The following PTAFR variants were observed in gnomAD, a reference collection of about 807,000 sequenced individuals.
PTAFR encodes the protein platelet activating factor receptor.
Under a neutral mutation model 14.7 loss-of-function variants are expected in PTAFR, and 8 were observed. That is an observed-to-expected ratio of 0.54 (90% confidence interval 0.32 to 0.98). PTAFR has a LOEUF of 0.98. Ranked by LOEUF, PTAFR falls within the 50% of genes least tolerant of loss-of-function variation. The probability of loss-of-function intolerance (pLI) is 0.04; values close to 1 mark genes in which losing one functional copy is unlikely to be tolerated. For missense variants in PTAFR, 337 were observed against 451.2 expected, an observed-to-expected ratio of 0.75 and a Z score of 2.29; for synonymous variants, 156 against 176.5, an observed-to-expected ratio of 0.88 and a Z score of 0.92.
rs765639817 is a variant in PTAFR at position 28,150,106 on chromosome 1, C to T, written c.916G>A (p.Glu306Lys). The change falls in exon 2 of 2, where the codon GAA (glutamate) becomes AAA (lysine). Residue 306 changes from glutamate to lysine, a missense_variant. By Grantham distance (56) the Glu-to-Lys change is moderately conservative. Transcript: ENST00000373857. The surrounding 1 kb of genome is among the most constrained non-coding windows in gnomAD (Gnocchi z 6.3). ...CTACTGCGCATGCTGTAGAACTTTT[C>T]GGTGAGGTGCTTGCGGAACTTCTTG... ...LTKKFRKHLT[E>K]KFYSMRSSRK... 7 of 1,614,162 alleles carry T rather than the reference C, an allele frequency of 4.3e-6. No individual in the cohort carries two copies. The highest frequency in any genetic ancestry group is 2.7e-5 in the African/African-American group (2 of 75,036).
intron 1 of PTAFR, among the ~76,000 whole-genome samples, chr1:28,168,939 AT>A (rs1385898118): frequency 6.6e-6 from 1 of 152,138 alleles, no homozygotes; most frequent in East Asian, 1.9e-4. Flanking sequence ...AAGTGCTGGG[AT>A]TACCAGCATG....
intron 1 of PTAFR, among the ~76,000 whole-genome samples, chr1:28,190,246 A>G (rs1646641903): frequency 6.6e-6 from 1 of 152,166 alleles, no homozygotes; most frequent in Non-Finnish European, 1.5e-5. Context: ...CTGGGATTAC[A>G]GGCGTGAGCC....
At chr1:28,184,094 T>G (rs796793653) in intron 1 of PTAFR, among the ~76,000 whole-genome samples, 1,371 of 87,704 alleles carry the variant, frequency 0.016, 1 homozygote, top group Non-Finnish European at 0.021. Flanking sequence ...TTTTTTTTTT[T>G]TTTTTTTTTT....
intron 1 of PTAFR, among the ~76,000 whole-genome samples, chr1:28,166,352 TA>T (rs1433790250): frequency 6.6e-6 from 1 of 152,042 alleles, no homozygotes; most frequent in Admixed American, 6.6e-5. Flanking sequence ...CCTGAAACTA[TA>T]AAACTCCTCA....
At chr1:28,159,441 T>G (rs1646299575) in intron 1 of PTAFR, among the ~76,000 whole-genome samples, 1 of 152,088 alleles carries the variant, frequency 6.6e-6, no homozygotes, top group East Asian at 1.9e-4. Context: ...TGGAAATCAA[T>G]CTCATGTGAT....
chr1:28,169,295 T>TA (rs201943732), intron 1 of PTAFR, among the ~76,000 whole-genome samples: 4,456 of 129,160 alleles, frequency 0.034, 122 homozygotes, highest in African/African-American at 0.095. Context: ...TTCACCACAG[T>TA]AAAAAAAAAA....
intron 1 of PTAFR, among the ~76,000 whole-genome samples, chr1:28,173,330 G>C (rs556564298): frequency 6.7e-6 from 1 of 148,790 alleles, no homozygotes; most frequent in East Asian, 2.0e-4. Context: ...TGTAGGCCAG[G>C]CATGGTGGCT....
intron 1 of PTAFR, among the ~76,000 whole-genome samples, chr1:28,173,105 CAAAAA>C (rs68034962): frequency 0.064 from 3,229 of 50,206 alleles, 114 homozygotes; most frequent in African/African-American, 0.19. Context: ...CCCGTTTCCA[CAAAAA>C]AAAAAAAAAA....
At chr1:28,173,039 G>T (rs1436430898) in intron 1 of PTAFR, among the ~76,000 whole-genome samples, 3 of 148,518 alleles carry the variant, frequency 2.0e-5, no homozygotes, top group Non-Finnish European at 4.4e-5. Flanking sequence ...GGAAGCCAAG[G>T]CAGGAGATGG....
chr1:28,157,452 C>A (rs529856666), intron 1 of PTAFR, among the ~76,000 whole-genome samples: 1 of 152,112 alleles, frequency 6.6e-6, no homozygotes, highest in East Asian at 1.9e-4. Context: ...CGGGTGTGAG[C>A]CACTGTGCCT....
intron 1 of PTAFR, among the ~76,000 whole-genome samples, chr1:28,190,334 A>G (rs988441591): frequency 6.6e-6 from 1 of 152,202 alleles, no homozygotes; most frequent in East Asian, 1.9e-4. Flanking sequence ...ATGCATCCAC[A>G]TATAAAGACA....
At chr1:28,170,584 A>G in intron 1 of PTAFR, among the ~76,000 whole-genome samples, 1 of 152,158 alleles carries the variant, frequency 6.6e-6, no homozygotes, top group Non-Finnish European at 1.5e-5. Flanking sequence ...ATGGTGGCAC[A>G]TGCCTGCAGT....
chr1:28,150,863 C>T lies in PTAFR; in HGVS notation c.159G>A (p.Lys53=), dbSNP rs1646177632. ...CCATGGTGAGGTTCACCATGAAGAT[C>T]TTTATCTCATTGAATTTCTTGCAAG... ...LYPCKKFNEI[K]IFMVNLTMAD... The change falls in exon 2 of 2, where the codon AAG becomes AAA. Residue 53 remains lysine, a synonymous_variant. Transcript: ENST00000373857. The surrounding 1 kb of genome is among the most constrained non-coding windows in gnomAD (Gnocchi z 6.3). The T allele has an allele frequency of 2.5e-6, 4 of 1,614,174 alleles. No homozygotes were observed. Among genetic ancestry groups the T allele is most frequent in the Non-Finnish European group, 2.5e-6 (3 of 1,180,044 alleles).
intron 1 of PTAFR, among the ~76,000 whole-genome samples, chr1:28,154,753 A>G (rs1046858572): frequency 1.4e-4 from 18 of 133,254 alleles, no homozygotes; most frequent in African/African-American, 5.1e-4. Flanking sequence ...CAGAGGTTGC[A>G]GTGAGCCCAG....
At chr1:28,169,353 T>C (rs1234856955) in intron 1 of PTAFR, among the ~76,000 whole-genome samples, 1 of 152,190 alleles carries the variant, frequency 6.6e-6, no homozygotes, top group Non-Finnish European at 1.5e-5. Flanking sequence ...GTACATTGTG[T>C]ATTTTTAAGT....
intron 1 of PTAFR, among the ~76,000 whole-genome samples, chr1:28,159,501 G>A (rs892457437): frequency 6.6e-6 from 1 of 152,250 alleles, no homozygotes; most frequent in South Asian, 2.1e-4. Context: ...GGGTTGAGGG[G>A]TGAGTGATAG....
chr1:28,153,241 G>A (rs1345879923), intron 1 of PTAFR, among the ~76,000 whole-genome samples: 1 of 152,144 alleles, frequency 6.6e-6, no homozygotes, highest in East Asian at 1.9e-4. Context: ...ACAACATAGT[G>A]AGACACCATT....
chr1:28,193,733 C>G (rs548330375), exon 1 of PTAFR: 5 of 152,770 alleles, frequency 3.3e-5, no homozygotes, highest in Admixed American at 2.6e-4. Context: ...TGAGAAACAG[C>G]AGGGACAATG....
intron 1 of PTAFR, among the ~76,000 whole-genome samples, chr1:28,160,377 A>C (rs549085164): frequency 1.3e-5 from 2 of 151,584 alleles, no homozygotes; most frequent in African/African-American, 4.8e-5. Flanking sequence ...CCTGGGCAAC[A>C]CAGCAAGGCT....
Sources: gnomAD v4.1 joint callset for allele counts (sites outside exome capture counted in the v4.1 genomes callset) on GRCh38, gnomAD v4.1.1 for gene constraint, Gnocchi (gnomAD v3.1) non-coding constraint, MANE v1.5 for transcripts, NCBI Gene and HGNC (gene_info 2026-07-23, HGNC 2026-07-21) for gene names.